Variants in CUBN observed in about 807,000 individuals in gnomAD.
The protein encoded by CUBN is cubilin.
A neutral mutation model predicts 405.3 loss-of-function variants in CUBN; 282 were observed. The observed-to-expected ratio is 0.70, with a 90% confidence interval of 0.63 to 0.77. The LOEUF is 0.77. Among genes scored for constraint, CUBN ranks in the 30% least tolerant of loss-of-function variants. The pLI is 0.00. For synonymous variants in CUBN, 1,684 were observed against 1,617.0 expected (o/e 1.04, Z -0.99); for missense variants, 4,514 against 4,475.2 (o/e 1.01, Z -0.25).
chr10:16,862,153 C>CTT (rs1192917033), intron 59 of CUBN, among the ~76,000 whole-genome samples: 47 of 99,962 alleles, frequency 4.7e-4, no homozygotes, highest in Non-Finnish European at 8.8e-5. Context: ...GTCTCTCTCT[C>CTT]TCTCTCTCAC....
At chr10:17,026,017 G>A (rs1345878347) in intron 27 of CUBN, among the ~76,000 whole-genome samples, 3 of 152,162 alleles carry the variant, frequency 2.0e-5, no homozygotes, top group Non-Finnish European at 2.9e-5. Context: ...CATGCTAAAA[G>A]TGAGCAGCAT....
At chr10:16,988,301 T>G (rs568113517) in intron 29 of CUBN, among the ~76,000 whole-genome samples, 1 of 152,322 alleles carries the variant, frequency 6.6e-6, no homozygotes, top group East Asian at 1.9e-4. Context: ...CCAAGCAATA[T>G]CCTTGCAGGC....
intron 25 of CUBN, among the ~76,000 whole-genome samples, chr10:17,044,525 T>C (rs1213733967): frequency 6.6e-6 from 1 of 152,070 alleles, no homozygotes; most frequent in East Asian, 1.9e-4. Context: ...ACAGCTGATG[T>C]CAACTGTCCT....
At chr10:17,068,383 A>G (rs1243775541) in intron 20 of CUBN, 103 bp from the exon 21 acceptor site, 10 of 1,276,936 alleles carry the variant, frequency 7.8e-6, no homozygotes, top group Admixed American at 3.9e-5. Flanking sequence ...AAAAGGAAAA[A>G]TGTTTCTTAG....
chr10:16,871,086 G>A (rs1207105298), intron 58 of CUBN, among the ~76,000 whole-genome samples: 3 of 151,186 alleles, frequency 2.0e-5, no homozygotes, highest in Non-Finnish European at 2.9e-5. Context: ...GGAGTGCAGT[G>A]GCACAATCTC....
chr10:17,001,337 T>A (rs1252586705), intron 28 of CUBN, among the ~76,000 whole-genome samples: 1 of 152,164 alleles, frequency 6.6e-6, no homozygotes, highest in African/African-American at 2.4e-5. Context: ...TTTATTCCCT[T>A]ATTTGGCCCC....
chr10:17,105,524 C>T lies in CUBN; in HGVS notation c.1163G>A (p.Gly388Glu), dbSNP rs1191570441. The change falls in exon 11 of 67, where the codon GGG (glycine) becomes GAG (glutamate). Residue 388 changes from glycine to glutamate, a missense_variant. Coordinates refer to ENST00000377833, the MANE Select transcript of CUBN (RefSeq NM_001081.4). ...CLPGYTGNGY[G>E]PNGCVQLSNI... Reference sequence around the variant, plus strand: ...ACTGAGCTGCACACATCCATTTGGCCCATAACCATTTCCAGTATAACCCGG... The same window carrying T: ...ACTGAGCTGCACACATCCATTTGGCTCATAACCATTTCCAGTATAACCCGG... The T allele has an allele frequency of 1.2e-6, 2 of 1,612,006 alleles. No homozygotes were observed. The highest frequency in any genetic ancestry group is 2.2e-5 in the South Asian group (2 of 91,056).
intron 27 of CUBN, among the ~76,000 whole-genome samples, chr10:17,026,598 C>T (rs1427511508): frequency 6.6e-6 from 1 of 150,942 alleles, no homozygotes; most frequent in East Asian, 1.9e-4. Context: ...CGCACCACTG[C>T]ACTCCAGCCT....
intron 15 of CUBN, among the ~76,000 whole-genome samples, chr10:17,087,651 T>A (rs1836152273): frequency 6.6e-6 from 1 of 151,850 alleles, no homozygotes; most frequent in Admixed American, 6.6e-5. Context: ...AGTTTTTGTA[T>A]TTTTAATAGA....
chr10:17,011,988 C>G (rs545626575), intron 28 of CUBN, among the ~76,000 whole-genome samples: 1 of 152,182 alleles, frequency 6.6e-6, no homozygotes, highest in Non-Finnish European at 1.5e-5. Flanking sequence ...GATGACCACT[C>G]TAGCTACTTC....
At chr10:17,077,505 C>T (rs757788349) in intron 17 of CUBN, among the ~76,000 whole-genome samples, 7 of 152,152 alleles carry the variant, frequency 4.6e-5, no homozygotes, top group South Asian at 2.1e-4. Flanking sequence ...GCTATGAATC[C>T]AGATTTGGTT....
intron 10 of CUBN, among the ~76,000 whole-genome samples, chr10:17,107,111 C>T (rs960033791): frequency 6.6e-6 from 1 of 152,102 alleles, no homozygotes; most frequent in Non-Finnish European, 1.5e-5. Context: ...TTAACATCCA[C>T]GATTAATTAT....
chr10:17,047,355 A>G, intron 23 of CUBN, 59 bp downstream of exon 23: 1 of 1,358,418 alleles, frequency 7.4e-7, no homozygotes, highest in Non-Finnish European at 1.0e-6. Context: ...TTCCTAGGAA[A>G]GATTATTAAT....
At position 16,851,057 on chromosome 10, in the gene CUBN, A is replaced by G. The variant is rs544371628; in HGVS notation, c.9663+178T>C. Among the ~76,000 whole-genome samples, 82 of 152,358 alleles carry G rather than the reference A, an allele frequency of 5.4e-4. 1 individual carries two copies. The Middle Eastern group carries it at 0.01, about 19-fold the overall frequency. On this transcript the variant is annotated intron_variant, in intron 60 of 66. Transcript: ENST00000377833. ...GTCACCCATATTAAAGATTAATTTG[A>G]TATGAAGATAGAGCATCTATAATAT...
Position 16,901,217 on chromosome 10 carries a change from T to C in CUBN, c.8184+121A>G, listed in dbSNP as rs985005623. 7 of 1,349,468 alleles carry C rather than the reference T, an allele frequency of 5.2e-6. No homozygotes were observed. In the African/African-American group the frequency reaches 1.0e-4, roughly 19 times the overall value. The allele number at this position is 1,349,468 out of a possible 1,614,324, so 83.6% of individuals were successfully genotyped here. A position where few individuals can be genotyped will look rare whatever the true frequency, so the allele number is the denominator to read the frequency against. ...AAAATGTTAGGGAAAAACAGTGATC[T>C]CATTGTAGAATCAAAGCCTTCTCTA... is the stretch of plus-strand genomic sequence containing the variant. On this transcript the variant is annotated intron_variant, in intron 52 of 66. Coordinates refer to ENST00000377833, the MANE Select transcript of CUBN (RefSeq NM_001081.4).
At chr10:16,873,205 C>T (rs1355429709) in intron 58 of CUBN, among the ~76,000 whole-genome samples, 1 of 152,152 alleles carries the variant, frequency 6.6e-6, no homozygotes, top group Non-Finnish European at 1.5e-5. Flanking sequence ...CAGAGTTTCC[C>T]ACCACATGCC....
intron 31 of CUBN, among the ~76,000 whole-genome samples, chr10:16,970,686 T>A (rs1293266307): frequency 6.6e-6 from 1 of 152,212 alleles, no homozygotes; most frequent in Admixed American, 6.5e-5. Context: ...AATTTTTATA[T>A]TTTACCAAAA....
At chr10:16,999,208 A>G (rs1341327972) in intron 28 of CUBN, among the ~76,000 whole-genome samples, 1 of 152,208 alleles carries the variant, frequency 6.6e-6, no homozygotes, top group East Asian at 1.9e-4. Context: ...TAGCCATCTG[A>G]CTATCTAAGA....
At chr10:16,891,472 C>G (rs1319742448) in intron 54 of CUBN, among the ~76,000 whole-genome samples, 2 of 152,098 alleles carry the variant, frequency 1.3e-5, no homozygotes, top group South Asian at 2.1e-4. Context: ...GGTGAGGAAG[C>G]CTGCAGAGGG....
Sources: allele counts gnomAD v4.1 joint callset (sites outside exome capture counted in the v4.1 genomes callset), GRCh38; gene constraint gnomAD v4.1.1; transcripts MANE v1.5; gene names NCBI Gene and HGNC (gene_info 2026-07-23, HGNC 2026-07-21).